Variants in NR3C2 observed in about 807,000 individuals in gnomAD.
The protein encoded by NR3C2 is nuclear receptor subfamily 3 group C member 2.
Under a neutral mutation model 86.4 loss-of-function variants are expected in NR3C2, and 15 were observed. The ratio of observed to expected loss-of-function variants is 0.17; its 90% CI spans 0.12 to 0.27. The LOEUF (loss-of-function observed/expected upper bound fraction) is 0.27, where lower values mean the gene tolerates loss of function less well. NR3C2 is among the 10% of genes least tolerant of loss of function. NR3C2 has a pLI of 1.00. For missense variants in NR3C2, 960 were observed against 1,195.6 expected (o/e 0.80, Z 2.91); for synonymous variants, 458 against 450.5 (o/e 1.02, Z -0.21).
chr4:148,210,751 C>A (rs1226708728), intron 3 of NR3C2, among the ~76,000 whole-genome samples: 1 of 152,130 alleles, frequency 6.6e-6, no homozygotes, highest in Admixed American at 6.5e-5. Context: ...GTTTCAAAAG[C>A]CTTTTCTATC....
intron 6 of NR3C2, among the ~76,000 whole-genome samples, chr4:148,138,436 T>G (rs1264909499): frequency 6.6e-6 from 1 of 152,118 alleles, no homozygotes; most frequent in African/African-American, 2.4e-5. Flanking sequence ...CAGGCTGGAG[T>G]GCAGGTGCGA....
chr4:148,317,101 G>A (rs1416686804), intron 2 of NR3C2, among the ~76,000 whole-genome samples: 2 of 152,130 alleles, frequency 1.3e-5, no homozygotes, highest in East Asian at 1.9e-4. Context: ...GCCACCATCA[G>A]TATTTTTAAT....
At chr4:148,368,580 C>G (rs1159259278) in intron 2 of NR3C2, 2 of 151,906 alleles carry the variant, frequency 1.3e-5, no homozygotes, top group Non-Finnish European at 2.9e-5. Context: ...TTAATCCTTC[C>G]CTGGCCCTAG....
chr4:148,281,775 A>G (rs2149897252), intron 2 of NR3C2, among the ~76,000 whole-genome samples: 1 of 152,368 alleles, frequency 6.6e-6, no homozygotes, highest in South Asian at 2.1e-4. Flanking sequence ...GCAGGGCATC[A>G]TGCTAAATGC....
chr4:148,208,597 T>C (rs4835506), intron 3 of NR3C2: 114,194 of 152,218 alleles, frequency 0.75, 43,857 homozygotes, highest in African/African-American at 0.92. Context: ...CTTGAGAGCC[T>C]ACCTGCTGAG....
At chr4:148,297,273 T>C (rs778569343) in intron 2 of NR3C2, among the ~76,000 whole-genome samples, 13 of 152,236 alleles carry the variant, frequency 8.5e-5, no homozygotes, top group Admixed American at 6.5e-5. Context: ...CATAGTTGCC[T>C]AGTTATTTTT....
At position 148,154,458 on chromosome 4, in the gene NR3C2, G is replaced by A. The variant is rs550030631; in HGVS notation, c.2365+93C>T. On this transcript the variant is annotated intron_variant, in intron 5 of 8. Transcript: ENST00000358102. Reference sequence around the variant, plus strand: ...ATCTGATATCAGGATTTCATAGAACGCAAACTCCTCCTGCATGGTTGGAGA... The same window carrying A: ...ATCTGATATCAGGATTTCATAGAACACAAACTCCTCCTGCATGGTTGGAGA... The A allele has an allele frequency of 1.8e-4, 205 of 1,146,930 alleles. No homozygotes were observed. The African/African-American group carries it at 2.7e-3, about 15-fold the overall frequency. 71.0% of individuals were successfully genotyped at this position (1,146,930 alleles called of 1,614,324 possible). A position where few individuals can be genotyped will look rare whatever the true frequency, so the allele number is the denominator to read the frequency against.
intron 7 of NR3C2, among the ~76,000 whole-genome samples, chr4:148,119,428 C>T (rs955075364): frequency 2.6e-5 from 4 of 152,200 alleles, no homozygotes; most frequent in East Asian, 1.9e-4. Context: ...ACTGAATGTG[C>T]TCTTCCCTTC....
At position 148,114,088 on chromosome 4, in the gene NR3C2, G is replaced by A; in HGVS notation, c.2799+16C>T. ...GCTGATCCTTCACTTAGGAACCAAG[G>A]AGGGGCTCTACTCACGTCATGCATG... On this transcript the variant is annotated intron_variant, in intron 8 of 8. Transcript: ENST00000358102. The A allele has an allele frequency of 6.2e-7, 1 of 1,612,348 alleles. No individual in the cohort carries two copies. Among genetic ancestry groups the A allele is most frequent in the South Asian group, 1.1e-5 (1 of 90,956 alleles).
chr4:148,436,170 G>C lies in NR3C2; in HGVS notation c.691C>G (p.Gln231Glu). 6.2e-7 allele frequency: 1 copy of C among 1,614,170 alleles called. No individual in the cohort carries two copies. The highest frequency in any genetic ancestry group is 8.5e-7 in the Non-Finnish European group (1 of 1,180,026). The change falls in exon 2 of 9, where the codon CAG becomes GAG. Residue 231 changes from glutamine to glutamate, a missense_variant. Gln to Glu is a conservative substitution (Grantham distance 29). Around this residue, in one of 4 missense-constraint regions of NR3C2, gnomAD observed 680 missense variants for 719.0 expected, o/e 0.95. Transcript: ENST00000358102. ...GGGGAGCATGTCAGAGGAGTTCCCT[G>C]GGTGATTGGGCTGTGCACTGGAAAA... ...GSFPVHSPIT[Q>E]GTPLTCSPNV...
intron 3 of NR3C2, among the ~76,000 whole-genome samples, chr4:148,239,469 T>C (rs550561380): frequency 6.6e-5 from 10 of 152,306 alleles, no homozygotes; most frequent in Non-Finnish European, 1.3e-4. Flanking sequence ...TCTGCCCCTC[T>C]GCCTCTGGTT....
At chr4:148,274,317 G>C (rs1740851857) in intron 2 of NR3C2, among the ~76,000 whole-genome samples, 2 of 152,158 alleles carry the variant, frequency 1.3e-5, no homozygotes, top group South Asian at 4.1e-4. Context: ...CCTCACAATG[G>C]CATGTATTTT....
intron 3 of NR3C2, among the ~76,000 whole-genome samples, chr4:148,195,833 G>C (rs1041133501): frequency 1.3e-5 from 2 of 152,192 alleles, no homozygotes; most frequent in Non-Finnish European, 2.9e-5. Context: ...AATGAGAAGA[G>C]AGTAAGAAAA....
chr4:148,228,444 T>C (rs1738289894), intron 3 of NR3C2, among the ~76,000 whole-genome samples: 1 of 152,180 alleles, frequency 6.6e-6, no homozygotes, highest in African/African-American at 2.4e-5. Flanking sequence ...GGCACTTAGG[T>C]TCCTAATATT....
intron 4 of NR3C2, among the ~76,000 whole-genome samples, chr4:148,182,572 A>T (rs1337848755): frequency 3.3e-5 from 5 of 152,228 alleles, no homozygotes; most frequent in Non-Finnish European, 5.9e-5. Context: ...CATAAAACCT[A>T]TCCTGTATAG....
At chr4:148,229,319 C>T (rs990652982) in intron 3 of NR3C2, among the ~76,000 whole-genome samples, 2 of 152,136 alleles carry the variant, frequency 1.3e-5, no homozygotes, top group Non-Finnish European at 2.9e-5. Flanking sequence ...AGCCTGTTGG[C>T]AGAACCCCCT....
intron 8 of NR3C2, among the ~76,000 whole-genome samples, chr4:148,104,535 T>C (rs1731707112): frequency 6.6e-6 from 1 of 152,154 alleles, no homozygotes; most frequent in African/African-American, 2.4e-5. Context: ...ATAGTTTAGC[T>C]TGGTGAGAGA....
intron 6 of NR3C2, among the ~76,000 whole-genome samples, chr4:148,138,875 G>C (rs140906880): frequency 5.3e-5 from 8 of 152,302 alleles, no homozygotes; most frequent in African/African-American, 1.9e-4. Context: ...ATAGGAGTGG[G>C]TTATCTTGAG....
At chr4:148,414,841 G>A (rs1405230651) in intron 2 of NR3C2, among the ~76,000 whole-genome samples, 2 of 152,122 alleles carry the variant, frequency 1.3e-5, no homozygotes, top group Non-Finnish European at 2.9e-5. Context: ...AATCATAAAT[G>A]TAAATCTAGA....
Sources: gnomAD v4.1 joint callset for allele counts (sites outside exome capture counted in the v4.1 genomes callset) on GRCh38, gnomAD v4.1.1 for gene constraint, gnomAD v4.1.1 regional missense constraint, MANE v1.5 for transcripts, NCBI Gene and HGNC (gene_info 2026-07-23, HGNC 2026-07-21) for gene names.